COG5: variants seen among roughly 807,000 people sequenced by gnomAD.
COG5 encodes the protein component of oligomeric golgi complex 5.
A neutral mutation model predicts 110.4 loss-of-function variants in COG5; 86 were observed. The ratio of observed to expected loss-of-function variants is 0.78; its 90% CI spans 0.65 to 0.93. The LOEUF (loss-of-function observed/expected upper bound fraction) is 0.93, where lower values mean the gene tolerates loss of function less well. Among genes scored for constraint, COG5 ranks in the 40% least tolerant of loss-of-function variants. The pLI is 0.00. For synonymous variants in COG5, 360 were observed against 334.6 expected (o/e 1.08, Z -0.83); for missense variants, 1,077 against 987.0 (o/e 1.09, Z -1.22).
intron 6 of COG5, among the ~76,000 whole-genome samples, chr7:107,457,826 A>G (rs1335700661): frequency 3.3e-5 from 5 of 152,336 alleles, no homozygotes; most frequent in African/African-American, 1.2e-4. Context: ...AATTTGATGA[A>G]AAAACAAAAA....
intron 11 of COG5, among the ~76,000 whole-genome samples, chr7:107,308,999 T>C (rs58663672): frequency 0.19 from 27,426 of 145,284 alleles, 2,683 homozygotes; most frequent in Non-Finnish European, 0.22. Context: ...CCTCATGGAA[T>C]TATGGTTTTT....
At chr7:107,519,822 T>C (rs34905721) in intron 6 of COG5, among the ~76,000 whole-genome samples, 62,678 of 151,468 alleles carry the variant, frequency 0.41, 13,254 homozygotes, top group Non-Finnish European at 0.47. Context: ...GATACCAAAA[T>C]CTGGCAGAGA....
At chr7:107,426,408 A>G (rs933213393) in intron 6 of COG5, among the ~76,000 whole-genome samples, 4 of 152,308 alleles carry the variant, frequency 2.6e-5, no homozygotes, top group African/African-American at 9.6e-5. Flanking sequence ...TCAGGCTGCT[A>G]TAACAAGGTA....
At chr7:107,554,112 T>G (rs753993811) in intron 3 of COG5, among the ~76,000 whole-genome samples, 173 bp downstream of exon 3, 2 of 152,200 alleles carry the variant, frequency 1.3e-5, no homozygotes, top group Non-Finnish European at 2.9e-5. Flanking sequence ...GCCACACACA[T>G]TTGTTTTCAT....
chr7:107,227,204 A>C (rs1349137667), intron 19 of COG5, among the ~76,000 whole-genome samples: 3 of 152,198 alleles, frequency 2.0e-5, no homozygotes, highest in Non-Finnish European at 4.4e-5. Flanking sequence ...ATCAAATGAA[A>C]TAGAAATGTT....
Position 107,203,379 on chromosome 7 carries a change from TAAAC to T in COG5, c.*133_*136del. On this transcript the variant is annotated 3_prime_UTR_variant, in exon 22 of 22. Transcript: ENST00000297135. ...AAAGTATAAGTGCTAAAGAGGTAAA[TAAAC>T]GTCGATAGGAAATACCGAACAATCA... 1 of 714,426 alleles carries T rather than the reference TAAAC, an allele frequency of 1.4e-6. No homozygotes were observed. The highest frequency in any genetic ancestry group is 1.5e-5 in the South Asian group (1 of 66,874). The allele number at this position is 714,426 out of a possible 1,614,324, so 44.3% of individuals were successfully genotyped here. A position where few individuals can be genotyped will look rare whatever the true frequency, so the allele number is the denominator to read the frequency against.
intron 11 of COG5, among the ~76,000 whole-genome samples, chr7:107,304,174 C>T (rs1807510152): frequency 6.6e-6 from 1 of 152,044 alleles, no homozygotes; most frequent in South Asian, 2.1e-4. Context: ...CAAAAAGAAC[C>T]CCCACAGTTT....
At chr7:107,524,819 A>G (rs1200125544) in intron 6 of COG5, among the ~76,000 whole-genome samples, 1 of 152,224 alleles carries the variant, frequency 6.6e-6, no homozygotes, top group Non-Finnish European at 1.5e-5. Flanking sequence ...CAATCTTTAT[A>G]AAAACTTTAG....
intron 6 of COG5, among the ~76,000 whole-genome samples, chr7:107,463,559 T>C (rs781774359): frequency 6.6e-6 from 1 of 152,168 alleles, no homozygotes; most frequent in Non-Finnish European, 1.5e-5. Context: ...TAATTATACA[T>C]TTAGCAGAGG....
chr7:107,537,682 C>A (rs1029376618), intron 5 of COG5, among the ~76,000 whole-genome samples: 3 of 151,204 alleles, frequency 2.0e-5, no homozygotes, highest in Admixed American at 6.6e-5. Context: ...CACATGTATA[C>A]CTATGTAACA....
At position 107,283,723 on chromosome 7, in the gene COG5, CT is replaced by C. The variant is rs1805380562; in HGVS notation, c.1322del (p.Lys441ArgfsTer3). On this transcript the variant is annotated frameshift_variant, in exon 13 of 22. Transcript: ENST00000297135. LOFTEE classifies it high-confidence loss of function. ...AGGGTTGTAGTGAGTCTTTCAAAGC[CT>C]TTTCTGGACTGTGGAAACAAAATTT... The part of the protein sequence containing the change: ...IPKKPDYDPE[K>X]ALKDSLQPYE... 1 of 1,613,716 alleles carries C rather than the reference CT, an allele frequency of 6.2e-7. No homozygotes were observed. Among genetic ancestry groups the C allele is most frequent in the African/African-American group, 1.3e-5 (1 of 74,900 alleles).
chr7:107,204,658 C>A (rs545676477), intron 21 of COG5, among the ~76,000 whole-genome samples: 2 of 152,266 alleles, frequency 1.3e-5, no homozygotes, highest in South Asian at 4.1e-4. Context: ...TGGGTTTGTT[C>A]AAGATTTTTC....
At chr7:107,226,565 A>T (rs745487475) in intron 19 of COG5, among the ~76,000 whole-genome samples, 12 of 152,206 alleles carry the variant, frequency 7.9e-5, no homozygotes, top group Non-Finnish European at 8.8e-5. Flanking sequence ...TTCTCAAGTC[A>T]ATTCTCTTTA....
chr7:107,363,786 T>C (rs1024142668), intron 8 of COG5, among the ~76,000 whole-genome samples: 1 of 152,068 alleles, frequency 6.6e-6, no homozygotes, highest in South Asian at 2.1e-4. Flanking sequence ...AGAAACCCCA[T>C]CTCTGCTAAA....
chr7:107,346,041 A>G (rs971668186), intron 10 of COG5, among the ~76,000 whole-genome samples: 1 of 152,178 alleles, frequency 6.6e-6, no homozygotes, highest in Non-Finnish European at 1.5e-5. Context: ...ACTTAAAAAA[A>G]GTAGTTTTAG....
intron 6 of COG5, among the ~76,000 whole-genome samples, chr7:107,517,758 C>A (rs1001122514): frequency 6.6e-6 from 1 of 150,936 alleles, no homozygotes; most frequent in Non-Finnish European, 1.5e-5. Context: ...AGTGCAGTGG[C>A]GCAATCTCGG....
intron 6 of COG5, among the ~76,000 whole-genome samples, chr7:107,504,059 A>G (rs367999363): frequency 6.6e-6 from 1 of 152,174 alleles, no homozygotes; most frequent in Non-Finnish European, 1.5e-5. Flanking sequence ...CAAAGTGGGC[A>G]TCCTTGTCTT....
At chr7:107,306,102 C>G (rs1214110601) in intron 11 of COG5, among the ~76,000 whole-genome samples, 3 of 152,072 alleles carry the variant, frequency 2.0e-5, no homozygotes, top group African/African-American at 7.2e-5. Context: ...CTTGCAAACA[C>G]CTACTTTTCA....
chr7:107,506,182 C>T (rs1798982381), intron 6 of COG5, among the ~76,000 whole-genome samples: 1 of 152,174 alleles, frequency 6.6e-6, no homozygotes, highest in Non-Finnish European at 1.5e-5. Context: ...TATTATTCTA[C>T]CTGGAGATGA....
Sources: allele counts gnomAD v4.1 joint callset (sites outside exome capture counted in the v4.1 genomes callset), GRCh38; gene constraint gnomAD v4.1.1; transcripts MANE v1.5; gene names NCBI Gene and HGNC (gene_info 2026-07-23, HGNC 2026-07-21).